The following VPS13A variants were observed in gnomAD, a reference collection of about 807,000 sequenced individuals.
The protein encoded by VPS13A is vacuolar protein sorting 13 homolog A, also known as intermembrane lipid transfer protein VPS13A.
VPS13A carries 264 observed loss-of-function variants against 390.9 expected under a neutral mutation model. The ratio of observed to expected loss-of-function variants is 0.68; its 90% CI spans 0.61 to 0.75. The LOEUF (loss-of-function observed/expected upper bound fraction) is 0.75. Ranked by LOEUF, VPS13A falls within the 30% of genes least tolerant of loss-of-function variation. The pLI is 0.00. For missense variants in VPS13A, 3,409 were observed against 3,733.9 expected, an observed-to-expected ratio of 0.91 and a Z score of 2.27; for synonymous variants, 1,231 against 1,227.1, an observed-to-expected ratio of 1.00 and a Z score of -0.07.
At chr9:77,412,184 A>G (rs1834968653) in intron 71 of VPS13A, among the ~76,000 whole-genome samples, 1 of 152,216 alleles carries the variant, frequency 6.6e-6, no homozygotes, top group Non-Finnish European at 1.5e-5. Context: ...AGCTGGTACC[A>G]TTCCTTCTGA....
chr9:77,340,980 A>C (rs1479193712), intron 50 of VPS13A, among the ~76,000 whole-genome samples: 1 of 152,186 alleles, frequency 6.6e-6, no homozygotes, highest in Non-Finnish European at 1.5e-5. Context: ...GCCATCATTA[A>C]ATCTTTGAAT....
At chr9:77,413,845 C>G (rs1163167646) in intron 71 of VPS13A, among the ~76,000 whole-genome samples, 1 of 152,170 alleles carries the variant, frequency 6.6e-6, no homozygotes, top group Non-Finnish European at 1.5e-5. Flanking sequence ...ATCTACTCAT[C>G]TGACAAAGGG....
At chr9:77,249,707 C>T (rs1041517651) in intron 20 of VPS13A, among the ~76,000 whole-genome samples, 1 of 152,132 alleles carries the variant, frequency 6.6e-6, no homozygotes, top group Admixed American at 6.5e-5. Flanking sequence ...ATTCTGGACT[C>T]TTTTACTTCT....
chr9:77,332,048 AG>A lies in VPS13A; in HGVS notation c.6034del (p.Asp2012IlefsTer17), dbSNP rs758339014. 2 of 1,612,016 alleles carry A rather than the reference AG, an allele frequency of 1.2e-6. No homozygotes were observed. The highest frequency in any genetic ancestry group is 3.3e-5 in the Admixed American group (2 of 59,986). On this transcript the variant is annotated frameshift_variant, in exon 46 of 72. Coordinates refer to ENST00000360280, the MANE Select transcript of VPS13A (RefSeq NM_033305.3). LOFTEE classifies it high-confidence loss of function. Reference protein sequence around the residue: ...HFSVPLSVYEGDTLLGTASPE... With the variant: ...HFSVPLSVYEXDTLLGTASPE... ...TTTCAGTCCCACTGTCTGTTTACGA[AG>A]GGGATACCTTATTGGGAACTGCCTC... is the stretch of plus-strand genomic sequence containing the variant.
chr9:77,373,008 A>G lies in VPS13A; in HGVS notation c.9077+1859A>G, dbSNP rs1379225309. 2.6e-5 allele frequency among the ~76,000 whole-genome samples: 4 copies of G among 152,304 alleles called. No individual in the cohort carries two copies. The East Asian group carries it at 7.7e-4, about 29-fold the overall frequency. ...AGAGGATACAAACGAATGGAAGAAC[A>G]TTCCATGCTCATGGGTAGGAAGAAT... On this transcript the variant is annotated intron_variant, in intron 67 of 71. Coordinates refer to ENST00000360280, the MANE Select transcript of VPS13A (RefSeq NM_033305.3).
intron 1 of VPS13A, among the ~76,000 whole-genome samples, chr9:77,178,398 C>T (rs1158034757): frequency 6.6e-6 from 1 of 152,244 alleles, no homozygotes; most frequent in East Asian, 1.9e-4. Context: ...GGCTCTCTCT[C>T]GCCTGGGTTC....
At chr9:77,380,440 G>C (rs1368528212) in intron 67 of VPS13A, among the ~76,000 whole-genome samples, 1 of 151,878 alleles carries the variant, frequency 6.6e-6, no homozygotes, top group African/African-American at 2.4e-5. Context: ...AGCCTCCCAA[G>C]TACTGGGACT....
rs1835259582 is a variant in VPS13A at position 77,418,964 on chromosome 9, A to G, written c.*2958A>G. 6.6e-6 allele frequency: 1 copy of G among 152,230 alleles called. No homozygotes were observed. Among genetic ancestry groups the G allele is most frequent in the Non-Finnish European group, 1.5e-5 (1 of 68,044 alleles). 9.4% of individuals were successfully genotyped at this position (152,230 alleles called of 1,614,324 possible). A position where few individuals can be genotyped will look rare whatever the true frequency, so the allele number is the denominator to read the frequency against. On this transcript the variant is annotated 3_prime_UTR_variant, in exon 72 of 72. Coordinates refer to ENST00000360280, the MANE Select transcript of VPS13A (RefSeq NM_033305.3). ...TATTCAGTTATCACTTGCCAGTATT[A>G]GTTGATCCTTCAGGCTATGCCAAGT...
intron 50 of VPS13A, among the ~76,000 whole-genome samples, chr9:77,341,227 CAAT>C (rs1450467279): frequency 2.0e-5 from 3 of 152,018 alleles, no homozygotes; most frequent in Admixed American, 1.3e-4. Context: ...GCGGGAGGGA[CAAT>C]GATCGGGATA....
At chr9:77,348,795 C>G (rs944902488) in intron 52 of VPS13A, among the ~76,000 whole-genome samples, 1 of 152,118 alleles carries the variant, frequency 6.6e-6, no homozygotes, top group Non-Finnish European at 1.5e-5. Context: ...AGTCTGAGGA[C>G]TATGGTTAGT....
chr9:77,255,919 A>T (rs1390835323), intron 22 of VPS13A, among the ~76,000 whole-genome samples: 4 of 151,692 alleles, frequency 2.6e-5, no homozygotes, highest in Non-Finnish European at 5.9e-5. Flanking sequence ...AAGGTTTTCA[A>T]TCTCGATCAT....
rs551773659 is a variant in VPS13A at position 77,409,827 on chromosome 9, C to A, written c.9474+2220C>A. Among the ~76,000 whole-genome samples, 274 of 151,322 alleles carry A rather than the reference C, an allele frequency of 1.8e-3. 8 individuals are homozygous for A. The highest frequency in any genetic ancestry group is 6.2e-3 in the African/African-American group (254 of 40,998). On this transcript the variant is annotated intron_variant, in intron 71 of 71. Transcript: ENST00000360280. ...ACCAAATCTACGTCTGATTGTCATA[C>A]CTGAAAGTGATGGGGAGAATGGAAC...
chr9:77,297,310 C>A (rs1245825036), intron 33 of VPS13A, among the ~76,000 whole-genome samples: 1 of 151,730 alleles, frequency 6.6e-6, no homozygotes, highest in African/African-American at 2.4e-5. Flanking sequence ...GTGTAGCTCT[C>A]TTCTCTCTGG....
Position 77,177,680 on chromosome 9 carries a change from G to A in VPS13A, c.-25G>A. 6.2e-7 allele frequency: 1 copy of A among 1,605,114 alleles called. No homozygotes were observed. ...GGGAGGAGGAGCGCACGGGCCGGCT[G>A]CCGTGCCCACCACGGCTGAGGAACA... On this transcript the variant is annotated 5_prime_UTR_variant, in exon 1 of 72. Transcript: ENST00000360280.
rs1297749944 is a variant in VPS13A at position 77,344,174 on chromosome 9, T to A, written c.7048T>A (p.Tyr2350Asn). The A allele has an allele frequency of 6.2e-7, 1 of 1,607,546 alleles. No homozygotes were observed. The highest frequency in any genetic ancestry group is 1.1e-5 in the South Asian group (1 of 90,940). ...LEQCIPFWPE[Y>N]ASSKLLIQVE... ...TTAGTGTATCCCCTTTTGGCCTGAG[T>A]ATGCTTCTAGTAAACTTCTTATTCA... Residue 2350 changes from tyrosine to asparagine, a missense_variant, in exon 51 of 72, where the codon TAT becomes AAT. By Grantham distance (143) the Tyr-to-Asn change is moderately radical. This residue lies in a region of VPS13A where 2,717 missense variants were observed against 2,917.4 expected (regional missense o/e 0.93). Coordinates refer to ENST00000360280, the MANE Select transcript of VPS13A (RefSeq NM_033305.3).
At chr9:77,335,868 A>T (rs55735303) in intron 46 of VPS13A, among the ~76,000 whole-genome samples, 8,803 of 152,294 alleles carry the variant, frequency 0.058, 373 homozygotes, top group South Asian at 0.12. Context: ...TACCCAAAGA[A>T]CTATAATAAA....
rs770059105 is a variant in VPS13A, at chr9:77,316,131, A to G, written c.4631-43A>G. On this transcript the variant is annotated intron_variant, in intron 38 of 71. Transcript: ENST00000360280. ...TTTTCTTATAAATAATAAATTATTC[A>G]TAATATATAGCAAATATTTTAATCT... 3.6e-6 allele frequency: 4 copies of G among 1,112,286 alleles called. No homozygotes were observed. In the South Asian group the frequency reaches 6.6e-5, roughly 18 times the overall value. 68.9% of individuals were successfully genotyped at this position (1,112,286 alleles called of 1,614,324 possible).
At chr9:77,245,555 A>G (rs960362892) in intron 19 of VPS13A, among the ~76,000 whole-genome samples, 1 of 152,186 alleles carries the variant, frequency 6.6e-6, no homozygotes, top group Non-Finnish European at 1.5e-5. Context: ...TCTGTTTTCA[A>G]ACCTCTATCT....
chr9:77,345,413 C>A (rs1287764744), intron 52 of VPS13A, among the ~76,000 whole-genome samples: 1 of 152,156 alleles, frequency 6.6e-6, no homozygotes, highest in Admixed American at 6.5e-5. Flanking sequence ...GATGAGGAGT[C>A]TGTCAGAGTT....
Sources: allele counts gnomAD v4.1 joint callset (sites outside exome capture counted in the v4.1 genomes callset), GRCh38; gene constraint gnomAD v4.1.1; regional missense constraint gnomAD v4.1.1; transcripts MANE v1.5; gene names NCBI Gene and HGNC (gene_info 2026-07-23, HGNC 2026-07-21).